SPN: variants seen among roughly 807,000 people sequenced by gnomAD.
The protein encoded by SPN is leukosialin.
In SPN, 6 loss-of-function variants were observed where a neutral mutation model predicts 8.4. The observed-to-expected ratio is 0.72, with a 90% CI of 0.39 to 1.42. SPN has a LOEUF of 1.42. SPN is among the 40% of genes most tolerant of loss of function. SPN has a pLI of 0.02. For synonymous variants in SPN, 201 were observed against 222.6 expected (o/e 0.90, Z 0.86); for missense variants, 517 against 530.6 (o/e 0.97, Z 0.25).
At position 29,670,759 on chromosome 16, in the gene SPN, T is replaced by C. The variant is rs1464365785; in HGVS notation, c.*5828T>C. The C allele has an allele frequency of 4.4e-6, 2 of 455,904 alleles. No individual in the cohort carries two copies. The highest frequency in any genetic ancestry group is 8.8e-6 in the Non-Finnish European group (2 of 226,796). 28.2% of individuals were successfully genotyped at this position (455,904 alleles called of 1,614,324 possible). ...GGAAACAAAGGACCCATCGCAAATGTTTTCCATGCTGATCTCCAAAGTGGT... is the reference window on the plus strand; with the variant it reads ...GGAAACAAAGGACCCATCGCAAATGCTTTCCATGCTGATCTCCAAAGTGGT... On this transcript the variant is annotated 3_prime_UTR_variant, in exon 2 of 2. Transcript: ENST00000652691.
At position 29,664,755 on chromosome 16, in the gene SPN, A is replaced by G; in HGVS notation, c.1027A>G (p.Thr343Ala). 6.7e-7 allele frequency: 1 copy of G among 1,490,846 alleles called. No homozygotes were observed. Among genetic ancestry groups the G allele is most frequent in the Non-Finnish European group, 8.9e-7 (1 of 1,122,076 alleles). 92.4% of individuals were successfully genotyped at this position (1,490,846 alleles called of 1,614,324 possible). The change falls in exon 2 of 2, where the codon ACC becomes GCC. Residue 343 changes from threonine to alanine, a missense_variant. Transcript: ENST00000652691. The surrounding 1 kb of genome is among the most constrained non-coding windows in gnomAD (Gnocchi z 6.4). ...GEGSSRRPTL[T>A]TFFGRRKSRQ... is the part of the protein sequence containing the mutation. ...GGGGTCTAGCCGTCGGCCCACGCTCACCACTTTCTTTGGCAGACGGAAGTC... is the reference window on the plus strand; with the variant it reads ...GGGGTCTAGCCGTCGGCCCACGCTCGCCACTTTCTTTGGCAGACGGAAGTC...
Position 29,663,848 on chromosome 16 carries a change from G to A in SPN, c.120G>A (p.Leu40=). ...CTTTGGTCTCTACTAGCGAGCCCCT[G>A]AGCTCAAAGATGTACACCACTTCAA... The part of the protein sequence containing the change: ...GEPLVSTSEP[L]SSKMYTTSIT... Residue 40 remains leucine (L), a synonymous_variant, in exon 2 of 2, where the codon CTG becomes CTA. Coordinates refer to ENST00000652691, the MANE Select transcript of SPN (RefSeq NM_003123.6). This position sits in a 1 kb window ranked among gnomAD's most constrained non-coding sequence, Gnocchi z 4.3. 6.2e-7 allele frequency: 1 copy of A among 1,614,116 alleles called. No individual in the cohort carries two copies. The highest frequency in any genetic ancestry group is 1.1e-5 in the South Asian group (1 of 91,076).
rs1201949768 is a variant in SPN, at chr16:29,668,396, G to A, written c.*3465G>A. The A allele has an allele frequency of 7.0e-6, 1 of 142,016 alleles. No individual in the cohort carries two copies. The highest frequency in any genetic ancestry group is 1.5e-5 in the Non-Finnish European group (1 of 66,170). The allele number at this position is 142,016 out of a possible 1,614,324, so 8.8% of individuals were successfully genotyped here. On this transcript the variant is annotated 3_prime_UTR_variant, in exon 2 of 2. Transcript: ENST00000652691. ...TGGCTGCTGTGCCTGGCATGTTGCA[G>A]ATCCTCCATGAATATGCATTTGAAT... is the stretch of plus-strand genomic sequence containing the variant.
In SPN at chr16:29,663,843, C is replaced by G; in HGVS notation, c.115C>G (p.Pro39Ala). Residue 39 changes from proline (P) to alanine (A), a missense_variant, in exon 2 of 2, where the codon CCC becomes GCC. Pro to Ala is a conservative substitution (Grantham distance 27). Transcript: ENST00000652691. The surrounding 1 kb of genome is among the most constrained non-coding windows in gnomAD (Gnocchi z 4.3). Reference sequence around the variant, plus strand: ...AGAGCCTTTGGTCTCTACTAGCGAGCCCCTGAGCTCAAAGATGTACACCAC... The same window carrying G: ...AGAGCCTTTGGTCTCTACTAGCGAGGCCCTGAGCTCAAAGATGTACACCAC... ...SGEPLVSTSE[P>A]LSSKMYTTSI... The G allele has an allele frequency of 3.1e-6, 5 of 1,614,138 alleles. No homozygotes were observed. The highest frequency in any genetic ancestry group is 4.2e-6 in the Non-Finnish European group (5 of 1,180,032).
rs1966793579 is a variant in SPN at position 29,665,117 on chromosome 16, C to T, written c.*186C>T. The T allele has an allele frequency of 8.5e-6, 5 of 589,916 alleles. No individual in the cohort carries two copies. The highest frequency in any genetic ancestry group is 5.1e-4 in the Middle Eastern group (1 of 1,956). The allele number at this position is 589,916 out of a possible 1,614,324, so 36.5% of individuals were successfully genotyped here. On this transcript the variant is annotated 3_prime_UTR_variant, in exon 2 of 2. Transcript: ENST00000652691. ...GTCGCCCAGGCTGGAGTGCAATGCA[C>T]GATCTCAGTTCACTGCAACCTCTGC...
chr16:29,663,896 C>T lies in SPN; in HGVS notation c.168C>T (p.Asp56=), dbSNP rs139917471. ...TTSITSDPKA[D]STGDQTSALP... ...CAATAACAAGTGACCCTAAGGCCGA[C>T]AGCACTGGGGACCAGACCTCAGCCC... is the stretch of plus-strand genomic sequence containing the variant. Residue 56 remains aspartate (D), a synonymous_variant, in exon 2 of 2, where the codon GAC becomes GAT. Coordinates refer to ENST00000652691, the MANE Select transcript of SPN (RefSeq NM_003123.6). The surrounding 1 kb of genome is among the most constrained non-coding windows in gnomAD (Gnocchi z 4.3). The T allele has an allele frequency of 4.3e-3, 6,936 of 1,614,128 alleles. 28 individuals carry two copies. The highest frequency in any genetic ancestry group is 5.1e-3 in the Non-Finnish European group (6,015 of 1,180,016).
chr16:29,670,876 A>G lies in SPN; in HGVS notation c.*5945A>G. The stretch of plus-strand genomic sequence containing the variant: ...TCTGTTACTTTTACAATATGAAAAA[A>G]TAGTGGTCAAAAAGGTGTTCAAGGG... On this transcript the variant is annotated 3_prime_UTR_variant, in exon 2 of 2. Transcript: ENST00000652691. The G allele has an allele frequency of 2.2e-6, 1 of 450,000 alleles. No individual in the cohort carries two copies. 27.9% of individuals were successfully genotyped at this position (450,000 alleles called of 1,614,324 possible).
rs1966817417 is a variant in SPN at position 29,666,552 on chromosome 16, A to ACGCACGCGCG, written c.*1624_*1625insACGCGCGCGC. The stretch of plus-strand genomic sequence containing the variant: ...CACACACACACACACACACACACAC[A>ACGCACGCGCG]CGCGCGCGCGCGCGCGCTCTCCTGC... On this transcript the variant is annotated 3_prime_UTR_variant, in exon 2 of 2. Transcript: ENST00000652691. 1 of 141,258 alleles carries ACGCACGCGCG rather than the reference A, an allele frequency of 7.1e-6. No homozygotes were observed. Among genetic ancestry groups the ACGCACGCGCG allele is most frequent in the Non-Finnish European group, 1.4e-5 (1 of 70,704 alleles). The allele number at this position is 141,258 out of a possible 1,614,324, so 8.8% of individuals were successfully genotyped here.
At position 29,666,548 on chromosome 16, in the gene SPN, ACACACGCG is replaced by A. The variant is rs1332835034; in HGVS notation, c.*1619_*1626del. On this transcript the variant is annotated 3_prime_UTR_variant, in exon 2 of 2. Coordinates refer to ENST00000652691, the MANE Select transcript of SPN (RefSeq NM_003123.6). ...CTCACACACACACACACACACACAC[ACACACGCG>A]CGCGCGCGCGCGCTCTCCTGCGAAC... 1.6e-3 allele frequency: 287 copies of A among 177,106 alleles called. No individual in the cohort carries two copies. The highest frequency in any genetic ancestry group is 7.1e-3 in the African/African-American group (261 of 36,758). 11.0% of individuals were successfully genotyped at this position (177,106 alleles called of 1,614,324 possible).
In SPN at chr16:29,664,273, C is replaced by G; in HGVS notation, c.545C>G (p.Thr182Ser). 1 of 1,614,060 alleles carries G rather than the reference C, an allele frequency of 6.2e-7. No individual in the cohort carries two copies. The highest frequency in any genetic ancestry group is 8.5e-7 in the Non-Finnish European group (1 of 1,179,978). Residue 182 changes from threonine to serine, a missense_variant, in exon 2 of 2, where the codon ACC (threonine) becomes AGC (serine). Thr to Ser is a moderately conservative substitution (Grantham distance 58). Coordinates refer to ENST00000652691, the MANE Select transcript of SPN (RefSeq NM_003123.6). This position sits in a 1 kb window ranked among gnomAD's most constrained non-coding sequence, Gnocchi z 6.4. The stretch of plus-strand genomic sequence containing the variant: ...GTCTCTCTGGAGACTTCCAAAGGCA[C>G]CTCTGGACCCCCTGTTACCATGGCA... ...ATVSLETSKG[T>S]SGPPVTMATD... is the part of the protein sequence containing the mutation.
rs1367835110 is a variant in SPN at position 29,664,936 on chromosome 16, C to T, written c.*5C>T. 7.3e-6 allele frequency: 10 copies of T among 1,373,034 alleles called. No homozygotes were observed. Among genetic ancestry groups the T allele is most frequent in the East Asian group, 2.6e-5 (1 of 37,818 alleles). 85.1% of individuals were successfully genotyped at this position (1,373,034 alleles called of 1,614,324 possible). ...GGAGACGGGGCTGCCCCTTAAGTGT[C>T]GGTGAATAGTGAGGCTGGAGGCCGG... On this transcript the variant is annotated 3_prime_UTR_variant, in exon 2 of 2. Transcript: ENST00000652691. The surrounding 1 kb of genome is among the most constrained non-coding windows in gnomAD (Gnocchi z 6.4).
rs1966794294 is a variant in SPN, at chr16:29,665,160, T to C, written c.*229T>C. On this transcript the variant is annotated 3_prime_UTR_variant, in exon 2 of 2. Transcript: ENST00000652691. ...ACCTCTGCCTCCTAAGTTCAGGCGA[T>C]TCTCCTGCCTCAGCTTCCCGAGTAA... The C allele has an allele frequency of 4.7e-6, 2 of 422,538 alleles. No homozygotes were observed. The highest frequency in any genetic ancestry group is 2.7e-4 in the South Asian group (2 of 7,458). 26.2% of individuals were successfully genotyped at this position (422,538 alleles called of 1,614,324 possible).
Position 29,664,219 on chromosome 16 carries a change from CCT to C in SPN, c.494_495del (p.Ser165TrpfsTer27). Reference sequence around the variant, plus strand: ...AGCTCTCTGGAGACCTCCAGAGGCACCTCTGGACCCCCTCTTACCATGGCAAC... The same window carrying C: ...AGCTCTCTGGAGACCTCCAGAGGCACCTGGACCCCCTCTTACCATGGCAAC... On this transcript the variant is annotated frameshift_variant, in exon 2 of 2. Transcript: ENST00000652691. LOFTEE classifies it high-confidence loss of function. The surrounding 1 kb of genome is among the most constrained non-coding windows in gnomAD (Gnocchi z 6.4). The C allele has an allele frequency of 6.2e-7, 1 of 1,613,892 alleles. No individual in the cohort carries two copies.
Position 29,665,948 on chromosome 16 carries a change from GAGTTTC to G in SPN, c.*1018_*1023del, listed in dbSNP as rs1199828301. 2.4e-5 allele frequency: 4 copies of G among 167,272 alleles called. No homozygotes were observed. The East Asian group carries it at 7.7e-4, about 32-fold the overall frequency. 10.4% of individuals were successfully genotyped at this position (167,272 alleles called of 1,614,324 possible). The stretch of plus-strand genomic sequence containing the variant: ...CCAGAGGCCTCACGGTTTCTCCTCC[GAGTTTC>G]TGGCTGGGTGTAGTTCTCAGAAACC... On this transcript the variant is annotated 3_prime_UTR_variant, in exon 2 of 2. Coordinates refer to ENST00000652691, the MANE Select transcript of SPN (RefSeq NM_003123.6).
In SPN at chr16:29,664,421, G is replaced by A; in HGVS notation, c.693G>A (p.Met231Ile). 1 of 1,614,144 alleles carries A rather than the reference G, an allele frequency of 6.2e-7. No individual in the cohort carries two copies. Among genetic ancestry groups the A allele is most frequent in the Non-Finnish European group, 8.5e-7 (1 of 1,180,028 alleles). ...TCTCTAGCGTAAAACTATCTACAAT[G>A]ATGTCTCCAACGACCTCCACCAACG... The part of the protein sequence containing the change: ...PQVSSVKLST[M>I]MSPTTSTNAS... Residue 231 changes from methionine to isoleucine, a missense_variant, in exon 2 of 2, where the codon ATG (methionine) becomes ATA (isoleucine). Transcript: ENST00000652691. This position sits in a 1 kb window ranked among gnomAD's most constrained non-coding sequence, Gnocchi z 6.4.
chr16:29,666,860 T>C lies in SPN; in HGVS notation c.*1929T>C, dbSNP rs1966823898. On this transcript the variant is annotated 3_prime_UTR_variant, in exon 2 of 2. Coordinates refer to ENST00000652691, the MANE Select transcript of SPN (RefSeq NM_003123.6). ...CAGGAGCACACATGGGCCAGGGCAG[T>C]TGGTATTTCCCGAGGACAAAGAGGA... is the stretch of plus-strand genomic sequence containing the variant. The C allele has an allele frequency of 6.4e-6, 3 of 470,376 alleles. No homozygotes were observed. Among genetic ancestry groups the C allele is most frequent in the South Asian group, 1.6e-5 (1 of 64,516 alleles). The allele number at this position is 470,376 out of a possible 1,614,324, so 29.1% of individuals were successfully genotyped here.
At position 29,664,978 on chromosome 16, in the gene SPN, C is replaced by T; in HGVS notation, c.*47C>T. ...GGAGGCCGGAATCTCAGCCAGCCTC[C>T]AGCACCTTCCCTCTCACCATCCCAC... On this transcript the variant is annotated 3_prime_UTR_variant, in exon 2 of 2. Transcript: ENST00000652691. The surrounding 1 kb of genome is among the most constrained non-coding windows in gnomAD (Gnocchi z 6.4). 7.5e-7 allele frequency: 1 copy of T among 1,338,726 alleles called. No homozygotes were observed. Among genetic ancestry groups the T allele is most frequent in the Non-Finnish European group, 9.6e-7 (1 of 1,040,102 alleles). 82.9% of individuals were successfully genotyped at this position (1,338,726 alleles called of 1,614,324 possible). A position where few individuals can be genotyped will look rare whatever the true frequency, so the allele number is the denominator to read the frequency against.
Position 29,664,027 on chromosome 16 carries a change from T to C in SPN, c.299T>C (p.Ile100Thr). 1 of 1,614,034 alleles carries C rather than the reference T, an allele frequency of 6.2e-7. No individual in the cohort carries two copies. The highest frequency in any genetic ancestry group is 8.5e-7 in the Non-Finnish European group (1 of 1,180,008). ...PEPTTYQEVS[I>T]KMSSVPQETP... ...CCAACAACCTACCAGGAAGTTTCCA[T>C]CAAGATGTCATCAGTGCCCCAGGAA... is the stretch of plus-strand genomic sequence containing the variant. The change falls in exon 2 of 2, where the codon ATC becomes ACC. Residue 100 changes from isoleucine to threonine, a missense_variant. Coordinates refer to ENST00000652691, the MANE Select transcript of SPN (RefSeq NM_003123.6). This position sits in a 1 kb window ranked among gnomAD's most constrained non-coding sequence, Gnocchi z 6.4.
In SPN at chr16:29,664,567, G is replaced by A. The variant is rs980960325; in HGVS notation, c.839G>A (p.Arg280Gln). The A allele has an allele frequency of 9.9e-6, 16 of 1,612,810 alleles. No homozygotes were observed. The highest frequency in any genetic ancestry group is 2.2e-5 in the South Asian group (2 of 90,998). Residue 280 changes from arginine (R) to glutamine (Q), a missense_variant, in exon 2 of 2, where the codon CGG becomes CAG. Arg to Gln is a conservative substitution (Grantham distance 43, BLOSUM62 1). Transcript: ENST00000652691. This position sits in a 1 kb window ranked among gnomAD's most constrained non-coding sequence, Gnocchi z 6.4. Reference protein sequence around the residue: ...LVALLLLWRRRQKRRTGALVL... With the variant: ...LVALLLLWRRQQKRRTGALVL... Reference sequence around the variant, plus strand: ...GCTCTGCTCCTGCTGTGGCGCCGGCGGCAGAAGCGGCGGACTGGGGCCCTC... The same window carrying A: ...GCTCTGCTCCTGCTGTGGCGCCGGCAGCAGAAGCGGCGGACTGGGGCCCTC...
Sources: allele counts gnomAD v4.1 joint callset, GRCh38; gene constraint gnomAD v4.1.1; non-coding constraint Gnocchi (gnomAD v3.1); transcripts MANE v1.5; gene names NCBI Gene and HGNC (gene_info 2026-07-23, HGNC 2026-07-21).